Variants in SVIL observed in about 807,000 individuals in gnomAD.
The protein encoded by SVIL is supervillin, also known as archvillin.
A neutral mutation model predicts 240.4 loss-of-function variants in SVIL; 101 were observed. That is an observed-to-expected ratio of 0.42 (90% CI 0.36 to 0.50). The LOEUF is 0.50. Ranked by LOEUF, SVIL falls within the 20% of genes least tolerant of loss-of-function variation. SVIL has a pLI of 0.01. For missense variants in SVIL, 2,512 were observed against 2,818.7 expected (o/e 0.89, Z 2.46); for synonymous variants, 999 against 1,100.0 (o/e 0.91, Z 1.82).
chr10:29,590,624 G>A (rs1956355076), intron 1 of SVIL, among the ~76,000 whole-genome samples: 1 of 152,162 alleles, frequency 6.6e-6, no homozygotes, highest in Non-Finnish European at 1.5e-5. Flanking sequence ...GTCATCTTTT[G>A]CAACCTATTT....
chr10:29,551,386 C>T, intron 5 of SVIL, 123 bp from the exon 6 acceptor site: 2 of 931,770 alleles, frequency 2.1e-6, no homozygotes, highest in Non-Finnish European at 3.1e-6. Context: ...GGACCAGTTT[C>T]TCACCGAGGT....
intron 1 of SVIL, among the ~76,000 whole-genome samples, chr10:29,694,231 CAAAAAA>C (rs61095076): frequency 2.0e-4 from 20 of 99,854 alleles, no homozygotes; most frequent in African/African-American, 4.2e-4. Flanking sequence ...CTGTGTCTAC[CAAAAAA>C]AAAAAAAAAA....
intron 6 of SVIL, among the ~76,000 whole-genome samples, chr10:29,539,782 G>A (rs539174608): frequency 1.3e-5 from 2 of 152,218 alleles, no homozygotes; most frequent in South Asian, 2.1e-4. Flanking sequence ...TTTAATAGAC[G>A]TCTTAAATTT....
chr10:29,711,537 G>T (rs1182962606), intron 1 of SVIL, among the ~76,000 whole-genome samples: 1 of 152,206 alleles, frequency 6.6e-6, no homozygotes, highest in Admixed American at 6.5e-5. Context: ...AAGGTGGGCA[G>T]ATCACCTGAG....
At chr10:29,681,025 A>T (rs1302578904) in intron 2 of SVIL, among the ~76,000 whole-genome samples, 1 of 152,032 alleles carries the variant, frequency 6.6e-6, no homozygotes, top group African/African-American at 2.4e-5. Context: ...GGGGCAGGAG[A>T]CGGAAAGTCC....
intron 5 of SVIL, 32 bp from the exon 6 acceptor site, chr10:29,551,295 G>C: frequency 6.5e-7 from 1 of 1,536,962 alleles, no homozygotes; most frequent in Non-Finnish European, 8.7e-7. Context: ...GAGAGGTGCA[G>C]ATTTCAAGTA....
chr10:29,731,000 A>G (rs1472374540), intron 1 of SVIL, among the ~76,000 whole-genome samples: 2 of 152,194 alleles, frequency 1.3e-5, no homozygotes, highest in Non-Finnish European at 2.9e-5. Context: ...TTTTAAGGAC[A>G]TGTACGTAAA....
intron 16 of SVIL, among the ~76,000 whole-genome samples, chr10:29,515,264 C>G (rs1188506983): frequency 6.6e-6 from 1 of 152,192 alleles, no homozygotes. Flanking sequence ...GCTACAAGAG[C>G]TAGTTCATGG....
intron 1 of SVIL, among the ~76,000 whole-genome samples, chr10:29,611,804 C>T (rs1957254226): frequency 1.3e-5 from 2 of 152,126 alleles, no homozygotes; most frequent in Admixed American, 1.3e-4. Context: ...TTCAAGGTGA[C>T]TGGAGCCAAC....
intron 1 of SVIL, among the ~76,000 whole-genome samples, chr10:29,593,293 G>A (rs543317037): frequency 3.3e-5 from 5 of 152,240 alleles, no homozygotes; most frequent in East Asian, 3.9e-4. Flanking sequence ...TGACAGTAGC[G>A]GACAGTTGGA....
intron 1 of SVIL, among the ~76,000 whole-genome samples, chr10:29,623,783 G>A (rs1205373202): frequency 6.6e-6 from 1 of 151,332 alleles, no homozygotes; most frequent in African/African-American, 2.4e-5. Flanking sequence ...CCCAGGAGGG[G>A]GAGGTTGCAG....
intron 36 of SVIL, 84 bp downstream of exon 36, chr10:29,462,193 A>G: frequency 6.7e-7 from 1 of 1,491,516 alleles, no homozygotes; most frequent in Admixed American, 2.3e-5. Flanking sequence ...TGAAAGTGCA[A>G]TTGGATGCTC....
intron 16 of SVIL, among the ~76,000 whole-genome samples, chr10:29,518,291 G>C (rs1184370911): frequency 6.6e-6 from 1 of 152,186 alleles, no homozygotes; most frequent in Non-Finnish European, 1.5e-5. Flanking sequence ...GGGAGGCTGA[G>C]GCAGGAGAAT....
In SVIL at chr10:29,654,060, T is replaced by A. The variant is rs184758204; in HGVS notation, c.-201+3909A>T. On this transcript the variant is annotated intron_variant, in intron 3 of 35. Coordinates refer to the SVIL transcript ENST00000375400. ...GAATTTCCATATTAGTTTTAGTATC[T>A]ACTTGTCAATTAAAAAAATTCATTT... Among the ~76,000 whole-genome samples, 5 of 152,298 alleles carry A rather than the reference T, an allele frequency of 3.3e-5. No homozygotes were observed. The East Asian group carries it at 9.7e-4, about 29-fold the overall frequency.
At chr10:29,676,014 C>T (rs1200141821) in intron 2 of SVIL, among the ~76,000 whole-genome samples, 1 of 152,172 alleles carries the variant, frequency 6.6e-6, no homozygotes, top group Non-Finnish European at 1.5e-5. Context: ...CAATAAAACA[C>T]CAGACCCCTC....
chr10:29,685,379 A>G (rs375231424), intron 2 of SVIL, among the ~76,000 whole-genome samples: 3 of 152,242 alleles, frequency 2.0e-5, no homozygotes, highest in African/African-American at 7.2e-5. Flanking sequence ...TGTTGTGATG[A>G]ACATATGTGT....
intron 3 of SVIL, among the ~76,000 whole-genome samples, chr10:29,556,306 G>C (rs1286614666): frequency 6.6e-6 from 1 of 152,166 alleles, no homozygotes; most frequent in East Asian, 1.9e-4. Context: ...ACAGCCTGGG[G>C]CCAGGGCCAA....
intron 2 of SVIL, among the ~76,000 whole-genome samples, chr10:29,564,239 AC>A (rs776738992): frequency 2.0e-5 from 3 of 152,286 alleles, no homozygotes; most frequent in Admixed American, 6.5e-5. Flanking sequence ...TCCTCAGTTT[AC>A]AGATCCGGAA....
chr10:29,600,281 G>A (rs990152992), intron 1 of SVIL, among the ~76,000 whole-genome samples: 5 of 152,196 alleles, frequency 3.3e-5, no homozygotes, highest in Admixed American at 3.3e-4. Context: ...ACACAGACTA[G>A]AAATCACAAA....
Sources: allele counts gnomAD v4.1 joint callset (sites outside exome capture counted in the v4.1 genomes callset), GRCh38; gene constraint gnomAD v4.1.1; transcripts MANE v1.5; gene names NCBI Gene and HGNC (gene_info 2026-07-23, HGNC 2026-07-21).